Variants in MAPKAPK5 observed in about 807,000 individuals in gnomAD.
The protein encoded by MAPKAPK5 is MAP kinase-activated protein kinase 5.
In MAPKAPK5, 30 loss-of-function variants were observed where a neutral mutation model predicts 65.1. The ratio of observed to expected loss-of-function variants is 0.46; its 90% CI spans 0.34 to 0.63. MAPKAPK5 has a LOEUF of 0.63. Among genes scored for constraint, MAPKAPK5 ranks in the 20% least tolerant of loss-of-function variants. The pLI is 0.01. For missense variants in MAPKAPK5, 433 were observed against 581.4 expected, an observed-to-expected ratio of 0.74 and a Z score of 2.63; for synonymous variants, 179 against 204.6, an observed-to-expected ratio of 0.87 and a Z score of 1.07.
intron 1 of MAPKAPK5, among the ~76,000 whole-genome samples, chr12:111,856,196 C>T (rs1285409641): frequency 6.6e-6 from 1 of 152,014 alleles, no homozygotes; most frequent in East Asian, 1.9e-4. Flanking sequence ...TCCCAACTTT[C>T]CCTTCTGTTC....
At chr12:111,889,114 G>A in intron 12 of MAPKAPK5, 114 bp downstream of exon 12, 1 of 1,185,984 alleles carries the variant, frequency 8.4e-7, no homozygotes, top group Non-Finnish European at 1.2e-6. Context: ...TGGGTTGTCT[G>A]TTTCATCTTG....
chr12:111,871,081 TCAG>T lies in MAPKAPK5; in HGVS notation c.484-3_484-1del. On this transcript the variant is annotated splice_acceptor_variant and splice_polypyrimidine_tract_variant and intron_variant, in intron 6 of 13. Transcript: ENST00000550735. LOFTEE classifies it high-confidence loss of function. ...GCAGTGACTCCTTTTTTTTTTAATT[TCAG>T]GATGCCCCAGTGAAGTTGTGTGACT... 6.2e-7 allele frequency: 1 copy of T among 1,611,420 alleles called. No homozygotes were observed.
intron 9 of MAPKAPK5, 57 bp from the exon 10 acceptor site, chr12:111,885,859 C>T: frequency 7.4e-6 from 12 of 1,611,312 alleles, no homozygotes; most frequent in Non-Finnish European, 9.3e-6. Flanking sequence ...CCAGGAACTT[C>T]CTATGGCCTT....
At chr12:111,863,907 A>G (rs1243791951) in intron 1 of MAPKAPK5, among the ~76,000 whole-genome samples, 1 of 151,820 alleles carries the variant, frequency 6.6e-6, no homozygotes, top group Non-Finnish European at 1.5e-5. Flanking sequence ...GCCCGGCAGG[A>G]TTTTGATTTC....
In MAPKAPK5 at chr12:111,867,671, T is replaced by TAAG; in HGVS notation, c.284+4_284+6dup. ...GTTTCCCCATGAGTCCAGCCCTAGG[T>TAAG]AAGACTACACAGTGTCATCATCAAA... On this transcript the variant is annotated splice_region_variant and intron_variant, in intron 4 of 13. Transcript: ENST00000550735. 6.2e-7 allele frequency: 1 copy of TAAG among 1,609,110 alleles called. No individual in the cohort carries two copies. Among genetic ancestry groups the TAAG allele is most frequent in the Non-Finnish European group, 8.5e-7 (1 of 1,175,600 alleles).
At chr12:111,882,237 G>A (rs1245854575) in intron 8 of MAPKAPK5, among the ~76,000 whole-genome samples, 2 of 152,146 alleles carry the variant, frequency 1.3e-5, no homozygotes, top group African/African-American at 4.8e-5. Context: ...AAAATTAGCC[G>A]GGTGTGGTGG....
Position 111,870,300 on chromosome 12 carries a change from G to A in MAPKAPK5, c.423G>A (p.Leu141=). The A allele has an allele frequency of 6.2e-7, 1 of 1,609,656 alleles. No homozygotes were observed. The highest frequency in any genetic ancestry group is 8.5e-7 in the Non-Finnish European group (1 of 1,176,310). The change falls in exon 6 of 14, where the codon TTG becomes TTA. Residue 141 remains leucine, a synonymous_variant. Coordinates refer to ENST00000550735, the MANE Select transcript of MAPKAPK5 (RefSeq NM_003668.4). The part of the protein sequence containing the change: ...QIALALRHCH[L]LNIAHRDLKP... ...CTTTGGCTCTGCGGCACTGTCACTT[G>A]TTAAACATTGCGCACAGAGACCTCA...
intron 10 of MAPKAPK5, 108 bp downstream of exon 10, chr12:111,886,144 C>T: frequency 6.9e-7 from 1 of 1,456,086 alleles, no homozygotes; most frequent in Non-Finnish European, 9.4e-7. Flanking sequence ...GTACACGATC[C>T]TTCCCAGAGA....
intron 1 of MAPKAPK5, among the ~76,000 whole-genome samples, chr12:111,864,926 T>C (rs1270339670): frequency 1.3e-5 from 2 of 152,194 alleles, no homozygotes; most frequent in Non-Finnish European, 2.9e-5. Flanking sequence ...CATTTAGTAA[T>C]TGATGCATTT....
Position 111,894,791 on chromosome 12 carries a change from T to TGTGTGTGTGAGA in MAPKAPK5, c.*1731_*1732insTGTGTGTGAGAG. ...ATGTGTGTGTGTGTGTGTGTGTGTG[T>TGTGTGTGTGAGA]GAAGCAGTTTTTGGTGGGTACTTAC... On this transcript the variant is annotated 3_prime_UTR_variant, in exon 14 of 14. Transcript: ENST00000550735. 1 of 151,444 alleles carries TGTGTGTGTGAGA rather than the reference T, an allele frequency of 6.6e-6. No individual in the cohort carries two copies. Among genetic ancestry groups the TGTGTGTGTGAGA allele is most frequent in the East Asian group, 1.9e-4 (1 of 5,174 alleles). 9.4% of individuals were successfully genotyped at this position (151,444 alleles called of 1,614,324 possible). A position where few individuals can be genotyped will look rare whatever the true frequency, so the allele number is the denominator to read the frequency against.
intron 5 of MAPKAPK5, among the ~76,000 whole-genome samples, chr12:111,869,146 A>G (rs1368263073): frequency 6.6e-6 from 1 of 152,174 alleles, no homozygotes; most frequent in African/African-American, 2.4e-5. Flanking sequence ...TGTAGACTGC[A>G]GTTATCTTTA....
At chr12:111,875,071 C>T (rs993860079) in intron 7 of MAPKAPK5, among the ~76,000 whole-genome samples, 2 of 152,222 alleles carry the variant, frequency 1.3e-5, no homozygotes, top group Non-Finnish European at 2.9e-5. Flanking sequence ...GCCACTGCAC[C>T]CGGCCCATAC....
rs976765685 is a variant in MAPKAPK5, at chr12:111,861,839, G to A, written c.37-3411G>A. Among the ~76,000 whole-genome samples, 17 of 152,322 alleles carry A rather than the reference G, an allele frequency of 1.1e-4. 1 individual carries two copies. In the South Asian group the frequency reaches 2.3e-3, roughly 20 times the overall value. ...AAGCAGCCAAAGACAGTATGAAAGC[G>A]AGTAGATATGGCTATATTCCAATAC... On this transcript the variant is annotated intron_variant, in intron 1 of 13. Coordinates refer to ENST00000550735, the MANE Select transcript of MAPKAPK5 (RefSeq NM_003668.4).
intron 1 of MAPKAPK5, among the ~76,000 whole-genome samples, chr12:111,864,178 G>A (rs1054372351): frequency 6.6e-6 from 1 of 152,114 alleles, no homozygotes; most frequent in Non-Finnish European, 1.5e-5. Flanking sequence ...GGGAGGCTGA[G>A]GTGGTAGGAT....
chr12:111,883,083 T>C lies in MAPKAPK5; in HGVS notation c.661-498T>C, dbSNP rs976290738. Among the ~76,000 whole-genome samples, 4 of 152,090 alleles carry C rather than the reference T, an allele frequency of 2.6e-5. No homozygotes were observed. Among genetic ancestry groups the C allele is most frequent in the Non-Finnish European group, 5.9e-5 (4 of 68,006 alleles). On this transcript the variant is annotated intron_variant, in intron 8 of 13. Coordinates refer to ENST00000550735, the MANE Select transcript of MAPKAPK5 (RefSeq NM_003668.4). This position sits in a 1 kb window ranked among gnomAD's most constrained non-coding sequence, Gnocchi z 4.8. ...TAGTATTGGCAGCTTATTGAAAATA[T>C]GGAGAGAGGCCAGGTGTGGTGAGTC...
Position 111,901,096 on chromosome 12 carries a change from A to G in MAPKAPK5, c.*8035A>G, listed in dbSNP as rs1212782595. On this transcript the variant is annotated 3_prime_UTR_variant, in exon 14 of 14. Transcript: ENST00000550735. ...ATCAATCTCCAACATACAATGATTC[A>G]GGTCCCTCAGGGAGATGGCTCATGT... The G allele has an allele frequency of 2.2e-6, 1 of 456,128 alleles. No homozygotes were observed. Among genetic ancestry groups the G allele is most frequent in the Non-Finnish European group, 4.4e-6 (1 of 226,812 alleles). The allele number at this position is 456,128 out of a possible 1,614,324, so 28.3% of individuals were successfully genotyped here.
chr12:111,848,893 C>A (rs2068984315), intron 1 of MAPKAPK5, among the ~76,000 whole-genome samples: 1 of 151,690 alleles, frequency 6.6e-6, no homozygotes, highest in Non-Finnish European at 1.5e-5. Flanking sequence ...CCATGCCCAG[C>A]TAATTTTTTG....
At position 111,898,170 on chromosome 12, in the gene MAPKAPK5, C is replaced by G. The variant is rs936927098; in HGVS notation, c.*5109C>G. The G allele has an allele frequency of 6.6e-6, 1 of 151,500 alleles. No homozygotes were observed. Among genetic ancestry groups the G allele is most frequent in the Non-Finnish European group, 1.5e-5 (1 of 67,864 alleles). The allele number at this position is 151,500 out of a possible 1,614,324, so 9.4% of individuals were successfully genotyped here. The stretch of plus-strand genomic sequence containing the variant: ...CTGGTTAGTCAGCTTTTATTTTGAC[C>G]CCACAGTTTTTTTTTTGAGACGGAT... On this transcript the variant is annotated 3_prime_UTR_variant, in exon 14 of 14. Coordinates refer to ENST00000550735, the MANE Select transcript of MAPKAPK5 (RefSeq NM_003668.4).
chr12:111,881,402 C>T (rs867545639), intron 8 of MAPKAPK5, among the ~76,000 whole-genome samples: 1 of 116,696 alleles, frequency 8.6e-6, no homozygotes, highest in African/African-American at 3.3e-5. Flanking sequence ...CCTGTCTGTT[C>T]CTTTTTTTTT....
Sources: allele counts gnomAD v4.1 joint callset (sites outside exome capture counted in the v4.1 genomes callset), GRCh38; gene constraint gnomAD v4.1.1; non-coding constraint Gnocchi (gnomAD v3.1); transcripts MANE v1.5; gene names NCBI Gene and HGNC (gene_info 2026-07-23, HGNC 2026-07-21).